ZNF569: variants seen among roughly 807,000 people sequenced by gnomAD.
ZNF569 encodes zinc finger protein 569, also known as DNA-binding protein.
Under a neutral mutation model 56.3 loss-of-function variants are expected in ZNF569, and 38 were observed. The observed-to-expected ratio is 0.68, with a 90% CI of 0.52 to 0.88. The LOEUF (loss-of-function observed/expected upper bound fraction) is 0.88, where lower values mean the gene tolerates loss of function less well. ZNF569 is among the 40% of genes least tolerant of loss of function. The pLI is 0.00. For missense variants in ZNF569, 666 were observed against 809.2 expected (o/e 0.82, Z 2.15); for synonymous variants, 241 against 262.9 (o/e 0.92, Z 0.81).
At chr19:37,460,451 A>C (rs1198039442) in intron 2 of ZNF569, among the ~76,000 whole-genome samples, 1 of 151,722 alleles carries the variant, frequency 6.6e-6, no homozygotes, top group Non-Finnish European at 1.5e-5. Context: ...CCAATGGTAG[A>C]TGTTAATCCA....
At chr19:37,430,323 T>C (rs2041205555) in intron 3 of ZNF569, among the ~76,000 whole-genome samples, 1 of 152,084 alleles carries the variant, frequency 6.6e-6, no homozygotes, top group Non-Finnish European at 1.5e-5. Flanking sequence ...AAATAATGGC[T>C]GAAAACTTCC....
chr19:37,447,107 G>T (rs2041510654), intron 2 of ZNF569, among the ~76,000 whole-genome samples: 1 of 152,172 alleles, frequency 6.6e-6, no homozygotes, highest in Non-Finnish European at 1.5e-5. Context: ...TGTTGGCATG[G>T]ATGTGGTGAA....
At chr19:37,423,255 G>C (rs1422342069) in intron 5 of ZNF569, among the ~76,000 whole-genome samples, 3 of 152,118 alleles carry the variant, frequency 2.0e-5, no homozygotes, top group Non-Finnish European at 4.4e-5. Flanking sequence ...AAAATGAAAA[G>C]AGTTGTCAAG....
intron 3 of ZNF569, among the ~76,000 whole-genome samples, chr19:37,444,600 CTTAT>C (rs1176061695): frequency 6.6e-6 from 1 of 151,904 alleles, no homozygotes; most frequent in Non-Finnish European, 1.5e-5. Flanking sequence ...CAATGAAAAG[CTTAT>C]TTCTGTTAGA....
At chr19:37,448,976 T>G (rs1447061089) in intron 2 of ZNF569, among the ~76,000 whole-genome samples, 3 of 152,218 alleles carry the variant, frequency 2.0e-5, no homozygotes, top group Non-Finnish European at 2.9e-5. Context: ...TGCAACAAAC[T>G]TCCCTGTATG....
intron 2 of ZNF569, among the ~76,000 whole-genome samples, chr19:37,446,780 T>C (rs2041505287): frequency 1.3e-5 from 2 of 151,962 alleles, no homozygotes; most frequent in Non-Finnish European, 2.9e-5. Context: ...TTAATTGAAC[T>C]AAAAAGCTTC....
At chr19:37,429,748 A>G (rs933947019) in intron 3 of ZNF569, among the ~76,000 whole-genome samples, 3 of 152,212 alleles carry the variant, frequency 2.0e-5, no homozygotes, top group Non-Finnish European at 4.4e-5. Flanking sequence ...TCTAGTGGGA[A>G]AGCTTTGGTC....
At chr19:37,417,771 G>T (rs558188881) in intron 5 of ZNF569, among the ~76,000 whole-genome samples, 2 of 152,170 alleles carry the variant, frequency 1.3e-5, no homozygotes, top group Admixed American at 6.5e-5. Context: ...GGAAAAATGT[G>T]TAAGAGAAGA....
intron 2 of ZNF569, among the ~76,000 whole-genome samples, chr19:37,464,670 G>A (rs966983497): frequency 6.6e-6 from 1 of 152,100 alleles, no homozygotes; most frequent in Non-Finnish European, 1.5e-5. Context: ...ATACCATCTA[G>A]GTTGTGTAAG....
At chr19:37,448,928 G>A (rs1600336675) in intron 2 of ZNF569, among the ~76,000 whole-genome samples, 1 of 152,136 alleles carries the variant, frequency 6.6e-6, no homozygotes, top group Non-Finnish European at 1.5e-5. Context: ...TAAGGCAGAA[G>A]TGTAGTAATG....
intron 3 of ZNF569, among the ~76,000 whole-genome samples, chr19:37,430,412 C>CTA (rs1314311059): frequency 6.6e-6 from 1 of 152,006 alleles, no homozygotes; most frequent in Non-Finnish European, 1.5e-5. Context: ...AGGTACACAC[C>CTA]TAAACACATC....
rs200428695 is a variant in ZNF569, at chr19:37,413,801, A to C, written c.857T>G (p.Ile286Ser). 5.6e-6 allele frequency: 9 copies of C among 1,613,672 alleles called. No individual in the cohort carries two copies. The highest frequency in any genetic ancestry group is 7.6e-6 in the Non-Finnish European group (9 of 1,179,940). ...TCCAGTATGAATTTTTTCATGATCAATAAGATTTGATTTCTGGCTGAAGGA... is the reference window on the plus strand; with the variant it reads ...TCCAGTATGAATTTTTTCATGATCACTAAGATTTGATTTCTGGCTGAAGGA... ...EKSFSQKSNLIDHEKIHTGEK... is the reference protein window; with the variant it reads ...EKSFSQKSNLSDHEKIHTGEK... The change falls in exon 6 of 6, where the codon ATT becomes AGT. Residue 286 changes from isoleucine (I) to serine (S), a missense_variant. Physicochemically the swap from Ile to Ser is moderately radical, Grantham distance 142 (BLOSUM62 -2). Transcript: ENST00000316950.
intron 5 of ZNF569, chr19:37,425,636 CTTTTT>C: frequency 1.0e-5 from 3 of 298,298 alleles, no homozygotes; most frequent in Non-Finnish European, 1.9e-5. Flanking sequence ...TTTCTTTTCT[CTTTTT>C]TTTTTAAGAG....
chr19:37,428,496 C>T lies in ZNF569; in HGVS notation c.16-2118G>A, dbSNP rs1212176114. Among the ~76,000 whole-genome samples, 4 of 140,446 alleles carry T rather than the reference C, an allele frequency of 2.8e-5. No individual in the cohort carries two copies. The East Asian group carries it at 8.2e-4, about 29-fold the overall frequency. The allele number at this position is 140,446 out of a possible 152,430, so 92.1% of individuals were successfully genotyped here. Reference sequence around the variant, plus strand: ...GATCTCACCACTGCATTAGAGCAGCCTGGGCAATAGAACAAGACCCTGTCT... The same window carrying T: ...GATCTCACCACTGCATTAGAGCAGCTTGGGCAATAGAACAAGACCCTGTCT... On this transcript the variant is annotated intron_variant, in intron 3 of 5. Transcript: ENST00000316950.
At chr19:37,442,124 G>A (rs982378473) in intron 3 of ZNF569, among the ~76,000 whole-genome samples, 1 of 152,116 alleles carries the variant, frequency 6.6e-6, no homozygotes, top group Admixed American at 6.6e-5. Context: ...ATTCTACTTT[G>A]GGGACAGGGA....
intron 2 of ZNF569, among the ~76,000 whole-genome samples, chr19:37,448,163 T>C (rs1487279282): frequency 6.6e-6 from 1 of 152,200 alleles, no homozygotes; most frequent in East Asian, 1.9e-4. Flanking sequence ...TAGAATTTCT[T>C]CCGTAGATGT....
chr19:37,457,173 A>G lies in ZNF569; in HGVS notation c.-44+8140T>C, dbSNP rs529457756. Among the ~76,000 whole-genome samples the G allele has an allele frequency of 1.2e-4, 18 of 152,280 alleles. No homozygotes were observed. In the East Asian group the frequency reaches 3.5e-3, roughly 29 times the overall value. On this transcript the variant is annotated intron_variant, in intron 2 of 5. Transcript: ENST00000316950. The stretch of plus-strand genomic sequence containing the variant: ...CTCCAAAAACTAAGAAGCCTCCTAC[A>G]TAAACACAATGCCATTATCACACCA...
At chr19:37,442,491 T>G (rs1460423403) in intron 3 of ZNF569, among the ~76,000 whole-genome samples, 7 of 152,242 alleles carry the variant, frequency 4.6e-5, no homozygotes, top group African/African-American at 1.7e-4. Context: ...AGAGGGGCTT[T>G]GTAAGGGACG....
chr19:37,440,964 T>C (rs528158112), intron 3 of ZNF569, among the ~76,000 whole-genome samples: 1 of 152,222 alleles, frequency 6.6e-6, no homozygotes, highest in Non-Finnish European at 1.5e-5. Context: ...TTCCATGGCC[T>C]TATTTTATAC....
Sources: gnomAD v4.1 joint callset for allele counts (sites outside exome capture counted in the v4.1 genomes callset) on GRCh38, gnomAD v4.1.1 for gene constraint, MANE v1.5 for transcripts, NCBI Gene and HGNC (gene_info 2026-07-23, HGNC 2026-07-21) for gene names.